The following SPTB variants were observed in gnomAD, a reference collection of about 807,000 sequenced individuals.
The protein encoded by SPTB is spectrin beta, erythrocytic, also known as spectrin beta chain, erythrocytic.
Under a neutral mutation model 256.2 loss-of-function variants are expected in SPTB, and 45 were observed. The ratio of observed to expected loss-of-function variants is 0.18; its 90% CI spans 0.14 to 0.23. The LOEUF is 0.23. SPTB is among the 10% of genes least tolerant of loss of function. The pLI is 1.00. For synonymous variants in SPTB, 1,231 were observed against 1,243.1 expected (o/e 0.99, Z 0.21); for missense variants, 2,715 against 3,040.4 (o/e 0.89, Z 2.52).
intron 33 of SPTB, among the ~76,000 whole-genome samples, chr14:64,750,828 T>TTTATATAATATTTACATATTTA (rs2081935085): frequency 6.8e-6 from 1 of 146,968 alleles, no homozygotes; most frequent in African/African-American, 2.5e-5. Flanking sequence ...TATTATATAA[T>TTTATATAATATTTACATATTTA]TTATATAATA....
chr14:64,800,424 C>T (rs1439285734), intron 8 of SPTB, among the ~76,000 whole-genome samples: 4 of 152,230 alleles, frequency 2.6e-5, no homozygotes, highest in Admixed American at 6.5e-5. Context: ...TTCTGGTACA[C>T]TGTGGGTGCC....
At chr14:64,840,574 G>A (rs2083590398) in intron 1 of SPTB, among the ~76,000 whole-genome samples, 1 of 152,170 alleles carries the variant, frequency 6.6e-6, no homozygotes, top group African/African-American at 2.4e-5. Flanking sequence ...TCTTGCAGTG[G>A]ACCAGTTCCC....
chr14:64,795,391 C>T lies in SPTB; in HGVS notation c.1590G>A (p.Leu530=). The T allele has an allele frequency of 1.2e-6, 2 of 1,613,988 alleles. No individual in the cohort carries two copies. The highest frequency in any genetic ancestry group is 8.5e-7 in the Non-Finnish European group (1 of 1,180,036). ...RRQRLETTLA[L]QKLFQDMLHS... ...GCAGCATGTCCTGGAAGAGCTTCTG[C>T]AGTGCCAGGGTGGTCTCGAGCCTCT... The change falls in exon 12 of 36, where the codon CTG becomes CTA. Residue 530 remains leucine, a synonymous_variant. Transcript: ENST00000644917. The surrounding 1 kb of genome is among the most constrained non-coding windows in gnomAD (Gnocchi z 6.5).
Position 64,779,744 on chromosome 14 carries a change from C to T in SPTB, c.4454G>A (p.Arg1485Gln), listed in dbSNP as rs140697785. 1.1e-5 allele frequency: 17 copies of T among 1,614,112 alleles called. No homozygotes were observed. Among genetic ancestry groups the T allele is most frequent in the Admixed American group, 6.7e-5 (4 of 60,018 alleles). Reference protein sequence around the residue: ...ESSRAKLQISRDLEDETLWVE... With the variant: ...ESSRAKLQISQDLEDETLWVE... The stretch of plus-strand genomic sequence containing the variant: ...ACGCACCGTCTCATCCTCTAAGTCC[C>T]GGCTGATCTGCAGCTTGGCTCTGGA... The change falls in exon 21 of 36, where the codon CGG becomes CAG. Residue 1485 changes from arginine to glutamine, a missense_variant. Coordinates refer to ENST00000644917, the MANE Select transcript of SPTB (RefSeq NM_001355436.2). The surrounding 1 kb of genome is among the most constrained non-coding windows in gnomAD (Gnocchi z 4.2).
rs765893110 is a variant in SPTB at position 64,791,806 on chromosome 14, C to T, written c.2717G>A (p.Gly906Asp). Residue 906 changes from glycine (G) to aspartate (D), a missense_variant, in exon 15 of 36, where the codon GGT becomes GAT. Physicochemically the swap from Gly to Asp is moderately conservative, Grantham distance 94. Around this residue, in one of 4 missense-constraint regions of SPTB, gnomAD observed 2,239 missense variants for 2,384.4 expected, o/e 0.94. Transcript: ENST00000644917. ...CAAGCTGTTGGCAGCGAGGTTCACA[C>T]CATCAATCTGAGTCATCAAGGTCTT... ...EMKTLMTQID[G>D]VNLAANSLVE... is the part of the protein sequence containing the mutation. The T allele has an allele frequency of 2.5e-6, 4 of 1,614,172 alleles. No individual in the cohort carries two copies. Among genetic ancestry groups the T allele is most frequent in the East Asian group, 4.5e-5 (2 of 44,880 alleles).
Position 64,779,120 on chromosome 14 carries a change from G to A in SPTB, c.4563+37C>T. ...CCGTGGGGCCAGGTGGGGGTGAGGA[G>A]GGGTGGGTGGGGCTGGTGAGGTGAC... On this transcript the variant is annotated intron_variant, in intron 22 of 35. Coordinates refer to ENST00000644917, the MANE Select transcript of SPTB (RefSeq NM_001355436.2). The surrounding 1 kb of genome is among the most constrained non-coding windows in gnomAD (Gnocchi z 4.2). The A allele has an allele frequency of 6.3e-7, 1 of 1,578,060 alleles. No individual in the cohort carries two copies. Among genetic ancestry groups the A allele is most frequent in the Non-Finnish European group, 8.7e-7 (1 of 1,152,038 alleles).
rs1297244870 is a variant in SPTB at position 64,758,013 on chromosome 14, G to A, written c.6346-4220C>T. Among the ~76,000 whole-genome samples, 1 of 152,182 alleles carries A rather than the reference G, an allele frequency of 6.6e-6. No individual in the cohort carries two copies. The highest frequency in any genetic ancestry group is 1.5e-5 in the Non-Finnish European group (1 of 68,030). ...AGTGAGAGTCCCTGGAATTCCATCT[G>A]GGGGAAGGGAGAGAACCTTCCTGAC... On this transcript the variant is annotated intron_variant, in intron 32 of 35. Coordinates refer to ENST00000644917, the MANE Select transcript of SPTB (RefSeq NM_001355436.2). This position sits in a 1 kb window ranked among gnomAD's most constrained non-coding sequence, Gnocchi z 4.6.
At position 64,786,683 on chromosome 14, in the gene SPTB, T is replaced by G. The variant is rs2082576077; in HGVS notation, c.3282A>C (p.Pro1094=). 3 of 1,614,002 alleles carry G rather than the reference T, an allele frequency of 1.9e-6. No individual in the cohort carries two copies. The highest frequency in any genetic ancestry group is 2.2e-5 in the South Asian group (2 of 91,084). ...GCTGCTGCAGGAGCTGCTCAGCCTC[T>G]GGGAGGGATTCGGGCATGTCCTCAG... The part of the protein sequence containing the change: ...VASEDMPESL[P]EAEQLLQQHA... The change falls in exon 16 of 36, where the codon CCA becomes CCC. Residue 1094 remains proline (P), a synonymous_variant. Transcript: ENST00000644917. This position sits in a 1 kb window ranked among gnomAD's most constrained non-coding sequence, Gnocchi z 5.6.
In SPTB at chr14:64,772,770, G is replaced by A. The variant is rs1167836684; in HGVS notation, c.5363C>T (p.Thr1788Met). 9.3e-6 allele frequency: 15 copies of A among 1,613,994 alleles called. 1 individual carries two copies. Among genetic ancestry groups the A allele is most frequent in the Middle Eastern group, 1.6e-4 (1 of 6,062 alleles). ...MWADLLELIDTRMQLLAASYD... is the reference protein window; with the variant it reads ...MWADLLELIDMRMQLLAASYD... ...GGAGGCGGCCAGCAGCTGCATGCGC[G>A]TGTCAATGAGCTCCAGGAGGTCTGC... is the stretch of plus-strand genomic sequence containing the variant. Residue 1788 changes from threonine (T) to methionine (M), a missense_variant, in exon 26 of 36, where the codon ACG (threonine) becomes ATG (methionine). By Grantham distance (81) the Thr-to-Met change is moderately conservative (BLOSUM62 -1). This residue lies in a region of SPTB where 2,239 missense variants were observed against 2,384.4 expected (regional missense o/e 0.94). Transcript: ENST00000644917. The surrounding 1 kb of genome is among the most constrained non-coding windows in gnomAD (Gnocchi z 5.4).
intron 1 of SPTB, among the ~76,000 whole-genome samples, chr14:64,829,772 T>G (rs186879259): frequency 1.3e-5 from 2 of 152,360 alleles, no homozygotes; most frequent in East Asian, 3.9e-4. Flanking sequence ...TACAGTCATA[T>G]GCCTTAGGCA....
rs1405970104 is a variant in SPTB, at chr14:64,793,449, G to A, written c.2214C>T (p.Asn738=). ...LKDLAAFCKK[N]LQDAENFFQF... is the part of the protein sequence containing the mutation. Reference sequence around the variant, plus strand: ...GGAAAAAGTTCTCAGCATCCTGGAGGTTCTTCTTGCAGAAGGCAGCCAGGT... The same window carrying A: ...GGAAAAAGTTCTCAGCATCCTGGAGATTCTTCTTGCAGAAGGCAGCCAGGT... The change falls in exon 14 of 36, where the codon AAC becomes AAT. Residue 738 remains asparagine (N), a synonymous_variant. Coordinates refer to ENST00000644917, the MANE Select transcript of SPTB (RefSeq NM_001355436.2). The surrounding 1 kb of genome is among the most constrained non-coding windows in gnomAD (Gnocchi z 7.0). 6.2e-7 allele frequency: 1 copy of A among 1,613,894 alleles called. No homozygotes were observed. Among genetic ancestry groups the A allele is most frequent in the African/African-American group, 1.3e-5 (1 of 74,938 alleles).
At position 64,785,650 on chromosome 14, in the gene SPTB, A is replaced by T; in HGVS notation, c.3765-23T>A. The T allele has an allele frequency of 1.2e-6, 2 of 1,613,832 alleles. No individual in the cohort carries two copies. Among genetic ancestry groups the T allele is most frequent in the African/African-American group, 1.3e-5 (1 of 75,042 alleles). On this transcript the variant is annotated intron_variant, in intron 17 of 35. Transcript: ENST00000644917. The surrounding 1 kb of genome is among the most constrained non-coding windows in gnomAD (Gnocchi z 4.4). Reference sequence around the variant, plus strand: ...TGCCTGGAAAGGAAGCCAAAAGCACAGTCACAATAGTGCCGAGCTTGGGGT... The same window carrying T: ...TGCCTGGAAAGGAAGCCAAAAGCACTGTCACAATAGTGCCGAGCTTGGGGT...
intron 1 of SPTB, among the ~76,000 whole-genome samples, chr14:64,837,917 G>C (rs772742736): frequency 1.3e-5 from 2 of 152,134 alleles, no homozygotes; most frequent in African/African-American, 4.8e-5. Flanking sequence ...TGGCCAACAA[G>C]CTGATTTTTA....
rs759083180 is a variant in SPTB at position 64,752,173 on chromosome 14, C to CTGAT, written c.6602+1360_6602+1363dup. 3.5e-5 allele frequency: 47 copies of CTGAT among 1,339,556 alleles called. No homozygotes were observed. In the South Asian group the frequency reaches 4.0e-4, roughly 11 times the overall value. 83.0% of individuals were successfully genotyped at this position (1,339,556 alleles called of 1,614,324 possible). On this transcript the variant is annotated intron_variant, in intron 33 of 35. Coordinates refer to ENST00000644917, the MANE Select transcript of SPTB (RefSeq NM_001355436.2). ...TGGCATGTTTGGTGAGGGAATCAAA[C>CTGAT]TGATAACAGGTGGGCTAGCCCGAGC...
chr14:64,872,861 C>T (rs1461462788), intron 1 of SPTB, among the ~76,000 whole-genome samples: 2 of 152,230 alleles, frequency 1.3e-5, no homozygotes, highest in African/African-American at 4.8e-5. Flanking sequence ...TGAACATGCG[C>T]CTGCCACCAT....
rs771765082 is a variant in SPTB at position 64,802,330 on chromosome 14, GAAC to G, written c.475-16_475-14del. The G allele has an allele frequency of 8.1e-6, 13 of 1,613,216 alleles. No homozygotes were observed. Among genetic ancestry groups the G allele is most frequent in the Non-Finnish European group, 1.1e-5 (13 of 1,179,428 alleles). On this transcript the variant is annotated splice_polypyrimidine_tract_variant and intron_variant, in intron 4 of 35. Coordinates refer to ENST00000644917, the MANE Select transcript of SPTB (RefSeq NM_001355436.2). The surrounding 1 kb of genome is among the most constrained non-coding windows in gnomAD (Gnocchi z 5.1). The stretch of plus-strand genomic sequence containing the variant: ...CAATGTCCTGAATCTGAGGGTAGCA[GAAC>G]AAGAGAGATTTGAAGAGGATGTGCA...
Position 64,861,848 on chromosome 14 carries a change from G to A in SPTB, c.-52+17944C>T, listed in dbSNP as rs150175281. On this transcript the variant is annotated intron_variant, in intron 1 of 35. Coordinates refer to ENST00000644917, the MANE Select transcript of SPTB (RefSeq NM_001355436.2). ...CAGCCTTCACGTACTCCTTTCCGAC[G>A]TTAGACACGATTAACCATCCTTTTC... is the stretch of plus-strand genomic sequence containing the variant. Among the ~76,000 whole-genome samples the A allele has an allele frequency of 4.1e-3, 625 of 152,252 alleles. 4 individuals carry two copies. The highest frequency in any genetic ancestry group is 0.014 in the African/African-American group (567 of 41,546).
intron 1 of SPTB, among the ~76,000 whole-genome samples, chr14:64,830,376 A>T (rs1157386217): frequency 1.6e-3 from 51 of 32,048 alleles, no homozygotes; most frequent in African/African-American, 0.01. Flanking sequence ...TATTATTATT[A>T]TTATTTTATT....
rs2083396881 is a variant in SPTB at position 64,827,786 on chromosome 14, T to C, written c.-51-4641A>G. ...CAAGCTCTAGTCTGGCACCTCCATC[T>C]GCCTACCAGACATTTCCACCTAGAA... On this transcript the variant is annotated intron_variant, in intron 1 of 35. Coordinates refer to ENST00000644917, the MANE Select transcript of SPTB (RefSeq NM_001355436.2). This position sits in a 1 kb window ranked among gnomAD's most constrained non-coding sequence, Gnocchi z 4.6. 6.6e-6 allele frequency among the ~76,000 whole-genome samples: 1 copy of C among 152,216 alleles called. No individual in the cohort carries two copies. The highest frequency in any genetic ancestry group is 1.5e-5 in the Non-Finnish European group (1 of 68,036).
Sources: gnomAD v4.1 joint callset for allele counts (sites outside exome capture counted in the v4.1 genomes callset) on GRCh38, gnomAD v4.1.1 for gene constraint, gnomAD v4.1.1 regional missense constraint, Gnocchi (gnomAD v3.1) non-coding constraint, MANE v1.5 for transcripts, NCBI Gene and HGNC (gene_info 2026-07-23, HGNC 2026-07-21) for gene names.